Variants in NRG1 observed in about 807,000 individuals in gnomAD.
NRG1 encodes the protein neuregulin 1, also known as pro-neuregulin-1, membrane-bound isoform.
NRG1 carries 18 observed loss-of-function variants against 63.8 expected under a neutral mutation model. That is an observed-to-expected ratio of 0.28 (90% CI 0.19 to 0.42). NRG1 has a LOEUF of 0.42. Among genes scored for constraint, NRG1 ranks in the 10% least tolerant of loss-of-function variants. The pLI, the probability that NRG1 is intolerant of heterozygous loss-of-function variation, is 1.00. For synonymous variants in NRG1, 302 were observed against 301.3 expected, an observed-to-expected ratio of 1.00 and a Z score of -0.02; for missense variants, 762 against 814.7, an observed-to-expected ratio of 0.94 and a Z score of 0.79.
At chr8:32,662,835 G>C (rs1404827575) in intron 5 of NRG1, among the ~76,000 whole-genome samples, 1 of 152,124 alleles carries the variant, frequency 6.6e-6, no homozygotes, top group East Asian at 1.9e-4. Context: ...ATTTTGCTCA[G>C]TCTCCCAATG....
chr8:32,697,779 A>G (rs1813740800), intron 5 of NRG1, among the ~76,000 whole-genome samples: 1 of 152,238 alleles, frequency 6.6e-6, no homozygotes, highest in Non-Finnish European at 1.5e-5. Flanking sequence ...GATTTTCACA[A>G]ATCAGTGCAG....
intron 4 of NRG1, among the ~76,000 whole-genome samples, chr8:32,614,954 G>T (rs768990495): frequency 6.6e-6 from 1 of 152,002 alleles, no homozygotes. Context: ...CATCTGATCC[G>T]TGACCTTTGG....
intron 5 of NRG1, among the ~76,000 whole-genome samples, chr8:32,665,961 A>G (rs1282628402): frequency 6.6e-6 from 1 of 152,046 alleles, no homozygotes. Context: ...ACATAATTCA[A>G]AGATGCATTC....
chr8:32,694,872 T>C (rs1212626184), intron 5 of NRG1, among the ~76,000 whole-genome samples: 1 of 152,060 alleles, frequency 6.6e-6, no homozygotes, highest in African/African-American at 2.4e-5. Flanking sequence ...ACAGCGAGGG[T>C]CCACGGGAGC....
Position 32,271,367 on chromosome 8 carries a change from G to A in NRG1, c.38-324461G>A, listed in dbSNP as rs921879344. Among the ~76,000 whole-genome samples, 29 of 152,294 alleles carry A rather than the reference G, an allele frequency of 1.9e-4. 1 individual carries two copies. Among genetic ancestry groups the A allele is most frequent in the Admixed American group, 1.9e-3 (29 of 15,284 alleles). On this transcript the variant is annotated intron_variant, in intron 1 of 10. Transcript: ENST00000519301. ...AATCAAAGTATGAGAACTTGGGGCT[G>A]ATCCAAAGATGTGGGGATTCAGAGA...
intron 1 of NRG1, among the ~76,000 whole-genome samples, chr8:32,450,542 A>G (rs753771422): frequency 6.6e-6 from 1 of 152,050 alleles, no homozygotes; most frequent in Non-Finnish European, 1.5e-5. Flanking sequence ...CAGCCTCCCA[A>G]ATAGCTTGGA....
At chr8:32,349,111 T>C (rs567946238) in intron 1 of NRG1, among the ~76,000 whole-genome samples, 2 of 152,318 alleles carry the variant, frequency 1.3e-5, no homozygotes, top group Admixed American at 6.5e-5. Flanking sequence ...AAATAGCTAT[T>C]GGCTCACAGA....
At chr8:32,231,708 C>T (rs1336108452) in intron 1 of NRG1, among the ~76,000 whole-genome samples, 41 of 151,848 alleles carry the variant, frequency 2.7e-4, no homozygotes, top group Admixed American at 6.6e-5. Flanking sequence ...CAAGACCAGC[C>T]TGACCAATAT....
At chr8:32,288,533 A>G (rs1853816318) in intron 1 of NRG1, among the ~76,000 whole-genome samples, 1 of 152,208 alleles carries the variant, frequency 6.6e-6, no homozygotes, top group Non-Finnish European at 1.5e-5. Flanking sequence ...AATCAATAAG[A>G]AGATTTTTAT....
intron 1 of NRG1, among the ~76,000 whole-genome samples, chr8:32,234,400 A>G (rs149363792): frequency 1.1e-3 from 171 of 152,320 alleles, no homozygotes; most frequent in African/African-American, 3.9e-3. Flanking sequence ...CAACAATTCC[A>G]TATATATTAT....
intron 1 of NRG1, among the ~76,000 whole-genome samples, chr8:32,107,917 A>C (rs1831487156): frequency 6.6e-6 from 1 of 152,192 alleles, no homozygotes; most frequent in Non-Finnish European, 1.5e-5. Flanking sequence ...CTATGAAAGG[A>C]ATGATCCTTC....
intron 5 of NRG1, among the ~76,000 whole-genome samples, chr8:32,624,357 G>A (rs751227328): frequency 1.3e-5 from 2 of 152,274 alleles, no homozygotes; most frequent in Middle Eastern, 3.4e-3. Flanking sequence ...TCAGCCCCAT[G>A]GGAACCACAT....
chr8:32,529,578 C>T (rs1307884333), intron 1 of NRG1, among the ~76,000 whole-genome samples: 1 of 152,088 alleles, frequency 6.6e-6, no homozygotes, highest in Admixed American at 6.5e-5. Flanking sequence ...TCTTCATATT[C>T]TTATTCTATA....
chr8:31,998,988 A>C (rs188255557), intron 1 of NRG1, among the ~76,000 whole-genome samples: 5 of 152,094 alleles, frequency 3.3e-5, no homozygotes, highest in Admixed American at 3.3e-4. Flanking sequence ...TGGCTCTTTA[A>C]GAAGACCCAA....
At chr8:32,748,610 G>C in intron 7 of NRG1, 1 of 432,728 alleles carries the variant, frequency 2.3e-6, no homozygotes, top group Non-Finnish European at 4.6e-6. Context: ...CTGGCTCTTG[G>C]CTCATACCTT....
intron 11 of NRG1, chr8:32,763,089 C>A: frequency 1.1e-6 from 1 of 946,876 alleles, no homozygotes; most frequent in South Asian, 1.6e-5. Flanking sequence ...GTTTGTTGGA[C>A]ACTGGGATGG....
intron 1 of NRG1, among the ~76,000 whole-genome samples, chr8:32,179,321 A>G (rs1841177184): frequency 1.3e-5 from 2 of 152,048 alleles, no homozygotes; most frequent in South Asian, 2.1e-4. Context: ...CACCTCCCTG[A>G]CAACAACACA....
intron 8 of NRG1, among the ~76,000 whole-genome samples, chr8:32,755,187 T>C (rs16879927): frequency 0.15 from 23,151 of 152,142 alleles, 2,290 homozygotes; most frequent in African/African-American, 0.27. Flanking sequence ...TCCCTATGTT[T>C]GGTCTTGAAG....
At chr8:32,340,203 GTAAAAAA>G (rs1260786358) in intron 1 of NRG1, among the ~76,000 whole-genome samples, 2 of 152,176 alleles carry the variant, frequency 1.3e-5, no homozygotes, top group Non-Finnish European at 2.9e-5. Flanking sequence ...CAATACACAT[GTAAAAAA>G]TAAAAAATAA....
Sources: gnomAD v4.1 joint callset for allele counts (sites outside exome capture counted in the v4.1 genomes callset) on GRCh38, gnomAD v4.1.1 for gene constraint, MANE v1.5 for transcripts, NCBI Gene and HGNC (gene_info 2026-07-23, HGNC 2026-07-21) for gene names.